Variants in ZNF81 observed in about 807,000 individuals in gnomAD.
ZNF81 encodes the protein zinc finger protein 81, also known as zinc finger protein 81 (HFZ20).
A neutral mutation model predicts 32.3 loss-of-function variants in ZNF81; 5 were observed. The ratio of observed to expected loss-of-function variants is 0.15; its 90% CI spans 0.08 to 0.33. ZNF81 has a LOEUF of 0.33. Ranked by LOEUF, ZNF81 falls within the 10% of genes least tolerant of loss-of-function variation. ZNF81 has a pLI of 1.00. For missense variants in ZNF81, 379 were observed against 479.8 expected (o/e 0.79, Z 1.96); for synonymous variants, 163 against 166.8 (o/e 0.98, Z 0.17).
intron 2 of ZNF81, among the ~76,000 whole-genome samples, chrX:47,859,562 G>A (rs190576395): frequency 9.0e-6 from 1 of 111,608 alleles, no homozygotes; most frequent in East Asian, 2.8e-4. Context: ...TCTTTTCAAA[G>A]TTGATGACTT....
At position 47,887,865 on chromosome X, in the gene ZNF81, T is replaced by A. The variant is rs1410739414; in HGVS notation, c.55-134T>A. ...ACACAATATTACATATGTGTATATATATAAACTAAGTATTTAATGGGCATA... is the reference window on the plus strand; with the variant it reads ...ACACAATATTACATATGTGTATATAAATAAACTAAGTATTTAATGGGCATA... On this transcript the variant is annotated intron_variant, in intron 2 of 4. Coordinates refer to ENST00000338637, the MANE Select transcript of ZNF81 (RefSeq NM_007137.5). 7 of 688,403 alleles carry A rather than the reference T, an allele frequency of 1.0e-5. No homozygotes were observed. In the African/African-American group the frequency reaches 1.5e-4, roughly 15 times the overall value. The allele number at this position is 688,403 out of a possible 1,213,427, so 56.7% of individuals were successfully genotyped here.
intron 2 of ZNF81, among the ~76,000 whole-genome samples, chrX:47,862,317 G>A (rs1452756675): frequency 9.1e-6 from 1 of 109,502 alleles, no homozygotes; most frequent in African/African-American, 3.3e-5. Flanking sequence ...TCAGGAGTTC[G>A]AGACCAGCCT....
intron 2 of ZNF81, among the ~76,000 whole-genome samples, chrX:47,879,391 C>G (rs1292629160): frequency 9.0e-6 from 1 of 111,347 alleles, no homozygotes; most frequent in African/African-American, 3.3e-5. Flanking sequence ...AGATAAAAAC[C>G]CAGCACAGTA....
chrX:47,839,923 GT>G (rs1175487996), intron 1 of ZNF81, among the ~76,000 whole-genome samples: 1 of 71,867 alleles, frequency 1.4e-5, no homozygotes, highest in East Asian at 6.8e-4. Context: ...AATATTGTGA[GT>G]TTTTTTTGCA....
intron 2 of ZNF81, 57 bp downstream of exon 2, chrX:47,846,378 AGAT>A: frequency 8.7e-7 from 1 of 1,151,586 alleles, no homozygotes; most frequent in Non-Finnish European, 1.2e-6. Flanking sequence ...CCTGAAGGAA[AGAT>A]ACTACCTCAT....
At chrX:47,887,897 C>T (rs3765546) in intron 2 of ZNF81, 102 bp from the exon 3 acceptor site, 39,608 of 989,129 alleles carry the variant, frequency 0.04, 3,644 homozygotes, top group East Asian at 0.29. Flanking sequence ...CATACCATAT[C>T]GTATATTATG....
At chrX:47,887,069 T>C (rs180740423) in intron 2 of ZNF81, among the ~76,000 whole-genome samples, 1 of 111,765 alleles carries the variant, frequency 8.9e-6, no homozygotes, top group East Asian at 2.8e-4. Context: ...ACACAATTTG[T>C]TGAAAAGACT....
intron 4 of ZNF81, among the ~76,000 whole-genome samples, chrX:47,903,615 C>T (rs1175330382): frequency 4.7e-4 from 42 of 89,665 alleles, no homozygotes; most frequent in African/African-American, 1.4e-3. Context: ...GAATCAATAT[C>T]GTGAAAATGG....
intron 2 of ZNF81, among the ~76,000 whole-genome samples, chrX:47,870,784 T>G (rs1427882454): frequency 8.9e-6 from 1 of 112,613 alleles, no homozygotes; most frequent in African/African-American, 3.2e-5. Flanking sequence ...AGACTTTTGC[T>G]GACAAATAGC....
intron 2 of ZNF81, among the ~76,000 whole-genome samples, chrX:47,871,981 C>G (rs1440383100): frequency 4.5e-5 from 5 of 112,195 alleles, no homozygotes; most frequent in Non-Finnish European, 7.5e-5. Context: ...TTTGGAATCT[C>G]CAAAGCTAGG....
At chrX:47,879,833 C>T (rs1259678269) in intron 2 of ZNF81, among the ~76,000 whole-genome samples, 1 of 111,794 alleles carries the variant, frequency 8.9e-6, no homozygotes, top group Non-Finnish European at 1.9e-5. Context: ...CCTCTCAAGT[C>T]CCTTTTAATC....
chrX:47,914,689 C>T (rs584836), intron 4 of ZNF81, among the ~76,000 whole-genome samples: 5,951 of 111,101 alleles, frequency 0.054, 409 homozygotes, highest in African/African-American at 0.18. Context: ...TCAGACTGTA[C>T]CCCTGTTGTC....
intron 4 of ZNF81, among the ~76,000 whole-genome samples, chrX:47,912,063 A>G (rs2058741181): frequency 9.6e-6 from 1 of 104,064 alleles, no homozygotes; most frequent in African/African-American, 4.2e-5. Flanking sequence ...TCGGGGGCTC[A>G]GGAGAGGTAT....
chrX:47,912,020 T>C (rs1556889985), intron 4 of ZNF81, among the ~76,000 whole-genome samples: 2 of 109,125 alleles, frequency 1.8e-5, no homozygotes. Flanking sequence ...TTTTCTAGAG[T>C]GATGACTCTT....
chrX:47,846,762 GTTT>G (rs2058472585), intron 2 of ZNF81, among the ~76,000 whole-genome samples: 4 of 111,611 alleles, frequency 3.6e-5, no homozygotes. Context: ...CTTTTTAATA[GTTT>G]TAAAGAATGT....
At chrX:47,857,576 G>A (rs1373389034) in intron 2 of ZNF81, among the ~76,000 whole-genome samples, 1 of 111,467 alleles carries the variant, frequency 9.0e-6, no homozygotes, top group Non-Finnish European at 1.9e-5. Flanking sequence ...TGTTAGAAAT[G>A]ATCTTTCCAC....
At chrX:47,909,377 G>T (rs1419755128) in intron 4 of ZNF81, among the ~76,000 whole-genome samples, 2 of 111,269 alleles carry the variant, frequency 1.8e-5, no homozygotes, top group Non-Finnish European at 3.8e-5. Context: ...TTTGTCTCAT[G>T]TACTTTTCAT....
At chrX:47,891,445 G>A (rs1427610210) in intron 3 of ZNF81, among the ~76,000 whole-genome samples, 5 of 112,218 alleles carry the variant, frequency 4.5e-5, no homozygotes, top group African/African-American at 1.3e-4. Flanking sequence ...ACTGATTTCC[G>A]CAATCCCTCC....
Position 47,875,473 on chromosome X carries a change from T to C in ZNF81, c.55-12526T>C, listed in dbSNP as rs1424552647. On this transcript the variant is annotated intron_variant, in intron 2 of 4. Transcript: ENST00000338637. ...AGCCCTGCAGGCTTTCCCATATTTT[T>C]CTACCATCAAAGCTAGTGGTGATCC... Among the ~76,000 whole-genome samples the C allele has an allele frequency of 1.2e-4, 13 of 112,540 alleles. No individual in the cohort carries two copies. The Admixed American group carries it at 1.2e-3, about 11-fold the overall frequency.
Sources: allele counts gnomAD v4.1 joint callset (sites outside exome capture counted in the v4.1 genomes callset), GRCh38; gene constraint gnomAD v4.1.1; transcripts MANE v1.5; gene names NCBI Gene and HGNC (gene_info 2026-07-23, HGNC 2026-07-21).